SUGCT: variants seen among roughly 807,000 people sequenced by gnomAD.
SUGCT encodes succinyl-CoA:glutarate CoA-transferase.
Under a neutral mutation model 55.0 loss-of-function variants are expected in SUGCT, and 41 were observed. The observed-to-expected ratio is 0.74, with a 90% CI of 0.58 to 0.97. SUGCT has a LOEUF of 0.97. SUGCT is among the 50% of genes least tolerant of loss of function. SUGCT has a pLI of 0.00. For missense variants in SUGCT, 568 were observed against 547.8 expected (o/e 1.04, Z -0.37); for synonymous variants, 187 against 200.4 (o/e 0.93, Z 0.56).
At chr7:40,148,780 G>A (rs1310471474) in intron 1 of SUGCT, among the ~76,000 whole-genome samples, 2 of 152,186 alleles carry the variant, frequency 1.3e-5, no homozygotes, top group Non-Finnish European at 2.9e-5. Flanking sequence ...TATGGGAACC[G>A]GGAGAGAAGA....
intron 12 of SUGCT, among the ~76,000 whole-genome samples, chr7:40,508,357 T>C (rs1792727057): frequency 6.6e-6 from 1 of 152,184 alleles, no homozygotes; most frequent in Admixed American, 6.5e-5. Flanking sequence ...AGGCAGACCA[T>C]GTCATTTTTG....
chr7:40,465,871 CA>C (rs1484208453), intron 11 of SUGCT, among the ~76,000 whole-genome samples: 1 of 151,392 alleles, frequency 6.6e-6, no homozygotes, highest in African/African-American at 2.4e-5. Flanking sequence ...CTTCACCTTT[CA>C]AAAAAAATAA....
At chr7:40,948,116 A>G in the SUGCT span, among the ~76,000 whole-genome samples, 21 of 152,314 alleles carry the variant, frequency 1.4e-4, no homozygotes, top group Middle Eastern at 3.4e-3. Context: ...AACCCGTTGC[A>G]TATCTTGGAG....
Position 40,826,276 on chromosome 7 carries a change from T to G in SUGCT, c.1154-34040T>G, listed in dbSNP as rs75878617. On this transcript the variant is annotated intron_variant, in intron 13 of 13. Transcript: ENST00000335693. The stretch of plus-strand genomic sequence containing the variant: ...CTTCAACTGATACACTATCTTCAAG[T>G]TTAGGGCAAAGCATTTAGTATTCAG... Among the ~76,000 whole-genome samples, 300 of 152,308 alleles carry G rather than the reference T, an allele frequency of 2.0e-3. 2 individuals are homozygous for G. The highest frequency in any genetic ancestry group is 0.014 in the East Asian group (73 of 5,176).
chr7:40,899,093 A>G, the SUGCT span, among the ~76,000 whole-genome samples: 1 of 152,102 alleles, frequency 6.6e-6, no homozygotes, highest in East Asian at 1.9e-4. Context: ...TGAGGGTCCC[A>G]GTGGGAGAAC....
At chr7:40,535,345 G>A (rs565185863) in intron 12 of SUGCT, among the ~76,000 whole-genome samples, 1 of 152,226 alleles carries the variant, frequency 6.6e-6, no homozygotes, top group South Asian at 2.1e-4. Flanking sequence ...AGTTTCTATT[G>A]CTGCTGTCTT....
the SUGCT span, among the ~76,000 whole-genome samples, chr7:41,025,576 C>T: frequency 6.6e-6 from 1 of 151,972 alleles, no homozygotes. Context: ...AGGCTGGTCT[C>T]GAACTCCTGA....
intron 12 of SUGCT, among the ~76,000 whole-genome samples, chr7:40,544,805 TCAGA>T (rs1794901457): frequency 6.6e-6 from 1 of 152,188 alleles, no homozygotes; most frequent in East Asian, 1.9e-4. Context: ...TGCAGAGTGC[TCAGA>T]CAAATAAGAC....
intron 12 of SUGCT, among the ~76,000 whole-genome samples, chr7:40,717,469 A>T (rs1403229576): frequency 6.6e-6 from 1 of 152,188 alleles, no homozygotes; most frequent in Non-Finnish European, 1.5e-5. Flanking sequence ...CCCAGGGCAC[A>T]TGTCGGGCTC....
chr7:41,026,306 G>A, the SUGCT span, among the ~76,000 whole-genome samples: 6 of 152,128 alleles, frequency 3.9e-5, no homozygotes, highest in Admixed American at 6.5e-5. Flanking sequence ...CCTGGTCAGC[G>A]CTGTCCCCAG....
At chr7:40,937,262 A>T in the SUGCT span, among the ~76,000 whole-genome samples, 1 of 152,004 alleles carries the variant, frequency 6.6e-6, no homozygotes, top group Non-Finnish European at 1.5e-5. Flanking sequence ...TCTGCCTCCC[A>T]GGTTCAAGCG....
At chr7:40,592,351 A>G (rs1482691374) in intron 12 of SUGCT, among the ~76,000 whole-genome samples, 3 of 152,152 alleles carry the variant, frequency 2.0e-5, no homozygotes, top group Non-Finnish European at 2.9e-5. Flanking sequence ...GGATTTGCAG[A>G]CCATAAGATG....
At chr7:41,017,550 C>G in the SUGCT span, among the ~76,000 whole-genome samples, 1 of 152,004 alleles carries the variant, frequency 6.6e-6, no homozygotes, top group Non-Finnish European at 1.5e-5. Flanking sequence ...GCAGGCAGAT[C>G]ACGAGGTCAG....
intron 13 of SUGCT, among the ~76,000 whole-genome samples, chr7:40,830,661 C>T (rs1161022530): frequency 3.3e-5 from 5 of 152,178 alleles, no homozygotes; most frequent in African/African-American, 1.2e-4. Context: ...TAAGGTGGCG[C>T]CAGGCCTATA....
chr7:40,343,532 C>G (rs1487880558), intron 9 of SUGCT, among the ~76,000 whole-genome samples: 6 of 123,824 alleles, frequency 4.8e-5, no homozygotes, highest in Non-Finnish European at 9.9e-5. Flanking sequence ...TTCCTCAAAA[C>G]TCCACCAAGA....
Position 40,371,668 on chromosome 7 carries a change from A to G in SUGCT, c.816+54813A>G, listed in dbSNP as rs548803501. On this transcript the variant is annotated intron_variant, in intron 9 of 13. Coordinates refer to ENST00000335693, the MANE Select transcript of SUGCT (RefSeq NM_001193313.2). ...TTTGCACAAGAGATTCATTAAATTT[A>G]GCATTTTTAGAAGATATTTTCAGTC... Among the ~76,000 whole-genome samples the G allele has an allele frequency of 1.2e-4, 19 of 152,294 alleles. 1 individual carries two copies. The South Asian group carries it at 3.5e-3, about 28-fold the overall frequency.
chr7:40,691,494 G>A (rs1178261052), intron 12 of SUGCT, among the ~76,000 whole-genome samples: 2 of 152,108 alleles, frequency 1.3e-5, no homozygotes, highest in African/African-American at 4.8e-5. Flanking sequence ...TCTGGTGAGA[G>A]TGGAATCAGA....
At chr7:40,779,645 A>G (rs973331464) in intron 13 of SUGCT, among the ~76,000 whole-genome samples, 1 of 152,138 alleles carries the variant, frequency 6.6e-6, no homozygotes, top group Non-Finnish European at 1.5e-5. Flanking sequence ...GTATTTGTTT[A>G]TTTTATTTGA....
intron 11 of SUGCT, among the ~76,000 whole-genome samples, chr7:40,494,069 G>T (rs1296719473): frequency 1.3e-5 from 2 of 152,142 alleles, no homozygotes; most frequent in African/African-American, 2.4e-5. Flanking sequence ...CCTCTCTTTT[G>T]CCCAGTGGTG....
Sources: allele counts gnomAD v4.1 joint callset (sites outside exome capture counted in the v4.1 genomes callset), GRCh38; gene constraint gnomAD v4.1.1; transcripts MANE v1.5; gene names NCBI Gene and HGNC (gene_info 2026-07-23, HGNC 2026-07-21).